Variants in KANSL1 observed in about 807,000 individuals in gnomAD.
The protein encoded by KANSL1 is KAT8 regulatory NSL complex subunit 1, also known as MLL1/MLL complex subunit KANSL1.
A neutral mutation model predicts 103.6 loss-of-function variants in KANSL1; 22 were observed. The observed-to-expected ratio is 0.21, with a 90% CI of 0.15 to 0.30. The LOEUF is 0.30. Among genes scored for constraint, KANSL1 ranks in the 10% least tolerant of loss-of-function variants. KANSL1 has a pLI of 1.00. For missense variants in KANSL1, 1,337 were observed against 1,399.8 expected, an observed-to-expected ratio of 0.96 and a Z score of 0.72; for synonymous variants, 600 against 527.6, an observed-to-expected ratio of 1.14 and a Z score of -1.88.
At chr17:46,165,208 G>A (rs2532284) in intron 2 of KANSL1, among the ~76,000 whole-genome samples, 18,605 of 150,054 alleles carry the variant, frequency 0.12, 21 homozygotes, top group Middle Eastern at 0.19. Flanking sequence ...ATAAATTCAA[G>A]TAAGAGTTAC....
upstream of KANSL1, among the ~76,000 whole-genome samples, chr17:46,194,141 G>C (rs1171984844): frequency 6.6e-6 from 1 of 152,226 alleles, no homozygotes; most frequent in Non-Finnish European, 1.5e-5. Context: ...CCGGGAGCCA[G>C]AGGGGAAGTG....
In KANSL1 at chr17:46,050,683, G is replaced by A. The variant is rs368180304; in HGVS notation, c.1870C>T (p.Arg624Cys). 3.0e-5 allele frequency: 48 copies of A among 1,613,516 alleles called. No homozygotes were observed. In the Middle Eastern group the frequency reaches 4.9e-4, roughly 17 times the overall value. Residue 624 changes from arginine to cysteine, a missense_variant, in exon 7 of 15, where the codon CGC (arginine) becomes TGC (cysteine). Arg to Cys is a radical substitution (Grantham distance 180). This residue lies in a region of KANSL1 where 780 missense variants were observed against 923.4 expected (regional missense o/e 0.84). Transcript: ENST00000432791. ...SKKVHRNSTI[R>C]PGCDVNPSCA... ...GAGGGATTCACATCACAGCCAGGGC[G>A]GATTGTGCTGTTCCGGTGAACCTGT...
chr17:46,217,558 T>C (rs567107497), intron 1 of KANSL1, among the ~76,000 whole-genome samples: 6 of 151,974 alleles, frequency 3.9e-5, no homozygotes, highest in African/African-American at 1.4e-4. Context: ...ATATGACTTG[T>C]CCTTATAAAA....
chr17:46,190,462 G>A (rs1373157264), intron 1 of KANSL1, among the ~76,000 whole-genome samples: 1 of 152,232 alleles, frequency 6.6e-6, no homozygotes, highest in Non-Finnish European at 1.5e-5. Flanking sequence ...TTTCAGAAAA[G>A]ATGCAAGAAA....
chr17:46,109,430 T>C (rs1359746832), intron 2 of KANSL1, among the ~76,000 whole-genome samples: 1 of 152,242 alleles, frequency 6.6e-6, no homozygotes, highest in Non-Finnish European at 1.5e-5. Context: ...GATAGTTAAG[T>C]TTTATTGGCA....
chr17:46,186,909 T>C lies in KANSL1; in HGVS notation c.-90+5914A>G, dbSNP rs1318012072. Among the ~76,000 whole-genome samples, 6 of 152,064 alleles carry C rather than the reference T, an allele frequency of 3.9e-5. No individual in the cohort carries two copies. The South Asian group carries it at 1.2e-3, about 31-fold the overall frequency. ...TGTCCAGCTAATTTTTGCTGTTTTT[T>C]TTTTTAGTAGAGACAGGGTTTCACC... is the stretch of plus-strand genomic sequence containing the variant. On this transcript the variant is annotated intron_variant, in intron 1 of 14. Transcript: ENST00000432791.
chr17:46,073,461 T>C (rs765691707), intron 4 of KANSL1, among the ~76,000 whole-genome samples: 8 of 152,094 alleles, frequency 5.3e-5, no homozygotes, highest in Non-Finnish European at 1.0e-4. Context: ...AAGAAGGAGA[T>C]TTTAAAAAAT....
intron 1 of KANSL1, among the ~76,000 whole-genome samples, chr17:46,187,064 T>C (rs1313553440): frequency 2.0e-5 from 3 of 152,220 alleles, no homozygotes; most frequent in Non-Finnish European, 4.4e-5. Context: ...GTCTCTCCTA[T>C]ACTAGAAACC....
In KANSL1 at chr17:46,105,927, ACACACACACACACACACACACCC is replaced by A. The variant is rs1567680578; in HGVS notation, c.1290-11249_1290-11227del. Among the ~76,000 whole-genome samples the A allele has an allele frequency of 1.9e-4, 19 of 101,774 alleles. No individual in the cohort carries two copies. The South Asian group carries it at 1.9e-3, about 10-fold the overall frequency. 66.8% of individuals were successfully genotyped at this position (101,774 alleles called of 152,430 possible). ...CCTTGACACACACACACACACACAC[ACACACACACACACACACACACCC>A]CCCCAGAAGGGTGAAGGAGCAGAAA... On this transcript the variant is annotated intron_variant, in intron 2 of 14. Coordinates refer to ENST00000432791, the MANE Select transcript of KANSL1 (RefSeq NM_015443.4).
intron 2 of KANSL1, among the ~76,000 whole-genome samples, chr17:46,152,445 G>A (rs1222286918): frequency 1.3e-5 from 2 of 152,148 alleles, no homozygotes; most frequent in African/African-American, 2.4e-5. Flanking sequence ...CAACTATGAA[G>A]CTCTTTGTAG....
chr17:46,094,466 G>A, intron 3 of KANSL1, 94 bp downstream of exon 3: 1 of 1,388,126 alleles, frequency 7.2e-7, no homozygotes, highest in South Asian at 1.3e-5. Flanking sequence ...GTTAAGAAGA[G>A]GGTTATGGGG....
In KANSL1 at chr17:46,135,267, T is replaced by TAA. The variant is rs35173354; in HGVS notation, c.1289+35586_1289+35587dup. Among the ~76,000 whole-genome samples, 169 of 147,970 alleles carry TAA rather than the reference T, an allele frequency of 1.1e-3. No individual in the cohort carries two copies. In the East Asian group the frequency reaches 0.017, roughly 15 times the overall value. On this transcript the variant is annotated intron_variant, in intron 2 of 14. Transcript: ENST00000432791. ...TAGTCCAAGTAAGGGGTGGTCTAGA[T>TAA]AAAAAAAAAAAGAACAGCTCTGAGT...
intron 4 of KANSL1, among the ~76,000 whole-genome samples, chr17:46,080,553 T>C (rs776138247): frequency 3.8e-4 from 58 of 152,208 alleles, no homozygotes; most frequent in Admixed American, 1.1e-3. Flanking sequence ...ACTGCCTTCT[T>C]ATACAGAAAA....
chr17:46,068,800 G>A (rs559996177), intron 4 of KANSL1, among the ~76,000 whole-genome samples: 2 of 152,228 alleles, frequency 1.3e-5, no homozygotes, highest in African/African-American at 2.4e-5. Flanking sequence ...GGCTCAAAAC[G>A]GATAGGAACA....
chr17:46,136,085 GGCTGAACA>G (rs1485459909), intron 2 of KANSL1, among the ~76,000 whole-genome samples: 1 of 152,060 alleles, frequency 6.6e-6, no homozygotes, highest in Non-Finnish European at 1.5e-5. Flanking sequence ...ATATGCACTA[GGCTGAACA>G]GCTGTTAACC....
At chr17:46,152,593 G>GGA (rs2045179594) in intron 2 of KANSL1, among the ~76,000 whole-genome samples, 1 of 138,714 alleles carries the variant, frequency 7.2e-6, no homozygotes, top group Non-Finnish European at 1.6e-5. Flanking sequence ...GGGGGGGGGG[G>GGA]GATTTCAGAG....
chr17:46,059,842 G>T (rs938095729), intron 6 of KANSL1, among the ~76,000 whole-genome samples: 2 of 151,912 alleles, frequency 1.3e-5, no homozygotes, highest in African/African-American at 4.8e-5. Flanking sequence ...AGCCACCTGT[G>T]TAGCTGCCAC....
chr17:46,148,590 C>CTTCTTT (rs1555566557), intron 2 of KANSL1, among the ~76,000 whole-genome samples: 2 of 145,172 alleles, frequency 1.4e-5, no homozygotes, highest in Non-Finnish European at 1.5e-5. Context: ...CTTCACTTAC[C>CTTCTTT]TTTTTTTTTT....
At position 46,031,671 on chromosome 17, in the gene KANSL1, G is replaced by T. The variant is rs960036500; in HGVS notation, c.3123C>A (p.Pro1041=). ...SVQPWERRTF[P]LAHSPQAECE... Reference sequence around the variant, plus strand: ...ACTCCGCCTGGGGACTGTGCGCCAGGGGGAAGGTCCGCCGCTCCCAGGGCT... The same window carrying T: ...ACTCCGCCTGGGGACTGTGCGCCAGTGGGAAGGTCCGCCGCTCCCAGGGCT... Residue 1041 remains proline (P), a synonymous_variant, in exon 15 of 15, where the codon CCC becomes CCA. Transcript: ENST00000432791. 1 of 1,610,250 alleles carries T rather than the reference G, an allele frequency of 6.2e-7. No individual in the cohort carries two copies. Among genetic ancestry groups the T allele is most frequent in the Non-Finnish European group, 8.5e-7 (1 of 1,176,854 alleles).
Sources: gnomAD v4.1 joint callset for allele counts (sites outside exome capture counted in the v4.1 genomes callset) on GRCh38, gnomAD v4.1.1 for gene constraint, gnomAD v4.1.1 regional missense constraint, MANE v1.5 for transcripts, NCBI Gene and HGNC (gene_info 2026-07-23, HGNC 2026-07-21) for gene names.